The following XIRP2 variants were observed in gnomAD, a reference collection of about 807,000 sequenced individuals.
The protein encoded by XIRP2 is xin actin-binding repeat-containing protein 2.
In XIRP2, 236 loss-of-function variants were observed where a neutral mutation model predicts 277.0. That is an observed-to-expected ratio of 0.85 (90% confidence interval 0.77 to 0.95). The LOEUF is 0.95. XIRP2 is among the 40% of genes least tolerant of loss of function. XIRP2 has a pLI of 0.00. For synonymous variants in XIRP2, 1,490 were observed against 1,416.5 expected (o/e 1.05, Z -1.17); for missense variants, 4,640 against 4,157.5 (o/e 1.12, Z -3.19).
rs117161038 is a variant in XIRP2 at position 167,226,265 on chromosome 2, A to G, written c.858+7965A>G. On this transcript the variant is annotated intron_variant, in intron 5 of 10. Transcript: ENST00000409195. The stretch of plus-strand genomic sequence containing the variant: ...CATGCTCATAATTGCCCATTTTATT[A>G]CCACTTTTCAAAACTGTGTCCATGG... 1.6e-3 allele frequency among the ~76,000 whole-genome samples: 239 copies of G among 152,200 alleles called. 4 individuals are homozygous for G. In the East Asian group the frequency reaches 0.021, roughly 13 times the overall value.
At chr2:167,229,675 A>G (rs73029735) in intron 5 of XIRP2, among the ~76,000 whole-genome samples, 2,141 of 152,150 alleles carry the variant, frequency 0.014, 37 homozygotes, top group Admixed American at 0.034. Flanking sequence ...AAGCTTCTCT[A>G]TTCTTTTTGA....
intron 2 of XIRP2, among the ~76,000 whole-genome samples, chr2:166,933,399 T>G (rs2105370957): frequency 6.6e-6 from 1 of 152,094 alleles, no homozygotes; most frequent in African/African-American, 2.4e-5. Flanking sequence ...CCACCCCGTC[T>G]CGGCCTCCCA....
intron 3 of XIRP2, among the ~76,000 whole-genome samples, chr2:167,178,131 G>T (rs1692904849): frequency 6.6e-6 from 1 of 151,490 alleles, no homozygotes; most frequent in Admixed American, 6.6e-5. Flanking sequence ...CATGTTATTT[G>T]TACATGTGTT....
intron 3 of XIRP2, among the ~76,000 whole-genome samples, chr2:167,142,420 C>A (rs1258383864): frequency 6.6e-6 from 1 of 151,808 alleles, no homozygotes; most frequent in African/African-American, 2.4e-5. Context: ...TAGTGGCATG[C>A]ACCTGTCGTC....
At chr2:166,892,064 G>A (rs1484154964) in intron 1 of XIRP2, among the ~76,000 whole-genome samples, 1 of 151,994 alleles carries the variant, frequency 6.6e-6, no homozygotes, top group African/African-American at 2.4e-5. Flanking sequence ...TATTTTGAAG[G>A]ATGCTAGAAT....
chr2:167,149,386 G>A (rs1691948974), intron 3 of XIRP2, among the ~76,000 whole-genome samples: 1 of 152,018 alleles, frequency 6.6e-6, no homozygotes, highest in African/African-American at 2.4e-5. Flanking sequence ...ATAAACATAA[G>A]AAACAAGACT....
rs534521775 is a variant in XIRP2 at position 167,251,324 on chromosome 2, G to A, written c.9932G>A (p.Arg3311Lys). The part of the protein sequence containing the change: ...VPPRLSEHTQ[R>K]YEAANRTVQM... ...CCTCGCCTGTCAGAGCACACACAGA[G>A]ATATGAAGCGGCCAACCGAACTGTT... The change falls in exon 9 of 11, where the codon AGA (arginine) becomes AAA (lysine). Residue 3311 changes from arginine to lysine, a missense_variant. Physicochemically the swap from Arg to Lys is conservative, Grantham distance 26. Transcript: ENST00000409195. 1 of 1,613,606 alleles carries A rather than the reference G, an allele frequency of 6.2e-7. No individual in the cohort carries two copies. Among genetic ancestry groups the A allele is most frequent in the East Asian group, 2.2e-5 (1 of 44,832 alleles).
rs548260796 is a variant in XIRP2 at position 166,929,989 on chromosome 2, C to T, written c.408+26099C>T. 1.2e-4 allele frequency among the ~76,000 whole-genome samples: 18 copies of T among 152,178 alleles called. No homozygotes were observed. The South Asian group carries it at 3.5e-3, about 30-fold the overall frequency. The stretch of plus-strand genomic sequence containing the variant: ...GATACAGAGAGTTACTGTAATTTAA[C>T]GTTTCTAAATGACAATGTATAGCTA... On this transcript the variant is annotated intron_variant, in intron 2 of 10. Coordinates refer to ENST00000409195, the MANE Select transcript of XIRP2 (RefSeq NM_152381.6).
intron 2 of XIRP2, among the ~76,000 whole-genome samples, chr2:167,050,003 G>A (rs1688877538): frequency 6.6e-6 from 1 of 151,978 alleles, no homozygotes; most frequent in Admixed American, 6.6e-5. Context: ...AATGAGTTTT[G>A]AATGCTCACT....
At chr2:166,958,554 C>T (rs918396555) in intron 2 of XIRP2, among the ~76,000 whole-genome samples, 1 of 151,558 alleles carries the variant, frequency 6.6e-6, no homozygotes, top group Non-Finnish European at 1.5e-5. Context: ...GGATGAATTG[C>T]AAAATTATTT....
At chr2:167,204,578 T>C (rs1693806439) in intron 3 of XIRP2, among the ~76,000 whole-genome samples, 1 of 152,186 alleles carries the variant, frequency 6.6e-6, no homozygotes, top group African/African-American at 2.4e-5. Flanking sequence ...AAAAATAAAA[T>C]AGCCTCTATC....
chr2:167,027,236 C>T (rs1434836619), intron 2 of XIRP2, among the ~76,000 whole-genome samples: 8 of 152,042 alleles, frequency 5.3e-5, no homozygotes, highest in African/African-American at 9.7e-5. Flanking sequence ...CTTCCCTCCT[C>T]GCTTCATTTC....
chr2:167,246,023 A>T lies in XIRP2; in HGVS notation c.4631A>T (p.Lys1544Met), dbSNP rs749458344. The stretch of plus-strand genomic sequence containing the variant: ...GAATTTAATGAAACTAGAGTAGAAA[A>T]GATAGAAATTATTGGCAAGAGCATT... Reference protein sequence around the residue: ...LHEFNETRVEKIEIIGKSIKE... With the variant: ...LHEFNETRVEMIEIIGKSIKE... The change falls in exon 9 of 11, where the codon AAG becomes ATG. Residue 1544 changes from lysine (K) to methionine (M), a missense_variant. Coordinates refer to ENST00000409195, the MANE Select transcript of XIRP2 (RefSeq NM_152381.6). 8.7e-6 allele frequency: 14 copies of T among 1,613,164 alleles called. No individual in the cohort carries two copies. In the Admixed American group the frequency reaches 2.2e-4, roughly 25 times the overall value.
At chr2:167,236,221 C>T (rs1553502832) in intron 5 of XIRP2, among the ~76,000 whole-genome samples, 1 of 151,678 alleles carries the variant, frequency 6.6e-6, no homozygotes, top group East Asian at 1.9e-4. Context: ...CCAAGAGTCA[C>T]AATAATAGTG....
intron 2 of XIRP2, among the ~76,000 whole-genome samples, chr2:166,952,265 A>G (rs1686055360): frequency 1.3e-5 from 2 of 151,974 alleles, no homozygotes; most frequent in Admixed American, 6.6e-5. Context: ...GCTTCTTGCA[A>G]TCCCTAATCT....
intron 2 of XIRP2, among the ~76,000 whole-genome samples, chr2:167,081,130 C>T (rs1004921463): frequency 9.2e-5 from 14 of 152,078 alleles, no homozygotes; most frequent in East Asian, 1.9e-4. Context: ...GTTAAAACTT[C>T]AGAGAGAAAC....
chr2:167,111,144 T>C (rs145622375), intron 2 of XIRP2, among the ~76,000 whole-genome samples: 2 of 152,286 alleles, frequency 1.3e-5, no homozygotes, highest in East Asian at 3.9e-4. Context: ...ACTTTGTCTC[T>C]TCCTATTTGG....
chr2:167,135,474 G>C (rs1691516512), intron 2 of XIRP2, among the ~76,000 whole-genome samples: 1 of 152,040 alleles, frequency 6.6e-6, no homozygotes, highest in Admixed American at 6.6e-5. Flanking sequence ...AATTGCTAAG[G>C]TTATCATTAC....
intron 2 of XIRP2, among the ~76,000 whole-genome samples, chr2:166,949,983 T>G (rs774887532): frequency 2.0e-5 from 3 of 152,090 alleles, no homozygotes; most frequent in Non-Finnish European, 4.4e-5. Flanking sequence ...AATGCTGCCT[T>G]TTAATGAGCA....
Sources: allele counts gnomAD v4.1 joint callset (sites outside exome capture counted in the v4.1 genomes callset), GRCh38; gene constraint gnomAD v4.1.1; transcripts MANE v1.5; gene names NCBI Gene and HGNC (gene_info 2026-07-23, HGNC 2026-07-21).